MDGA2: variants seen among roughly 807,000 people sequenced by gnomAD.
MDGA2 encodes MAM domain-containing glycosylphosphatidylinositol anchor protein 2.
Under a neutral mutation model 117.8 loss-of-function variants are expected in MDGA2, and 40 were observed. The observed-to-expected ratio is 0.34, with a 90% confidence interval of 0.26 to 0.44. The LOEUF (loss-of-function observed/expected upper bound fraction) is 0.44, where lower values mean the gene tolerates loss of function less well. MDGA2 is among the 20% of genes least tolerant of loss of function. The pLI is 1.00. For missense variants in MDGA2, 1,123 were observed against 1,250.6 expected (o/e 0.90, Z 1.54); for synonymous variants, 452 against 439.0 (o/e 1.03, Z -0.37).
In MDGA2 at chr14:46,871,863, TCTGG is replaced by T. The variant is rs71988054; in HGVS notation, c.2752+1566_2752+1569del. On this transcript the variant is annotated intron_variant, in intron 14 of 16. Transcript: ENST00000399232. ...TAGTAGTTTAACTTCTCAAAAGCTT[TCTGG>T]CTGGGCACAATGACTCATGCCTGTA... The T allele has an allele frequency of 9.3e-3, 3,443 of 370,686 alleles. 90 individuals are homozygous for T. Among genetic ancestry groups the T allele is most frequent in the African/African-American group, 0.063 (3,043 of 48,652 alleles). 23.0% of individuals were successfully genotyped at this position (370,686 alleles called of 1,614,324 possible). A position where few individuals can be genotyped will look rare whatever the true frequency, so the allele number is the denominator to read the frequency against.
At chr14:46,847,183 G>C (rs907762210) in intron 15 of MDGA2, among the ~76,000 whole-genome samples, 2 of 151,972 alleles carry the variant, frequency 1.3e-5, no homozygotes, top group Admixed American at 1.3e-4. Flanking sequence ...TTTGTATTGA[G>C]ACCCTGTCCT....
chr14:47,471,347 T>C (rs950056898), intron 1 of MDGA2, among the ~76,000 whole-genome samples: 3 of 151,330 alleles, frequency 2.0e-5, no homozygotes, highest in Non-Finnish European at 2.9e-5. Flanking sequence ...AGTTGTAAAA[T>C]TGTCTTGACA....
At chr14:47,217,918 C>T in intron 3 of MDGA2, 103 bp downstream of exon 3, 1 of 920,702 alleles carries the variant, frequency 1.1e-6, no homozygotes, top group Non-Finnish European at 1.5e-6. Flanking sequence ...AGTTTTCATT[C>T]TCAGCTAAAC....
At chr14:46,857,060 C>T (rs556640156) in intron 14 of MDGA2, among the ~76,000 whole-genome samples, 2 of 152,246 alleles carry the variant, frequency 1.3e-5, no homozygotes, top group African/African-American at 4.8e-5. Context: ...TTTATCTGCC[C>T]CATTTCTTTA....
At chr14:47,073,462 T>C (rs1213683275) in intron 6 of MDGA2, among the ~76,000 whole-genome samples, 1 of 152,184 alleles carries the variant, frequency 6.6e-6, no homozygotes, top group Non-Finnish European at 1.5e-5. Context: ...AGTATGCTAG[T>C]TCCAACACAG....
intron 1 of MDGA2, among the ~76,000 whole-genome samples, chr14:47,315,626 T>C (rs1889784226): frequency 6.6e-6 from 1 of 152,100 alleles, no homozygotes; most frequent in Non-Finnish European, 1.5e-5. Flanking sequence ...TGAATTCTTT[T>C]CAATTCATTT....
At chr14:47,367,763 G>C (rs957160845) in intron 1 of MDGA2, among the ~76,000 whole-genome samples, 1 of 152,018 alleles carries the variant, frequency 6.6e-6, no homozygotes, top group Non-Finnish European at 1.5e-5. Flanking sequence ...CTCTGCTTTC[G>C]TTAATTTCCT....
chr14:47,645,744 A>G (rs1015823255), intron 1 of MDGA2, among the ~76,000 whole-genome samples: 3 of 152,220 alleles, frequency 2.0e-5, no homozygotes, highest in Admixed American at 1.3e-4. Flanking sequence ...TAACTATTTA[A>G]CAAAACAGAT....
intron 1 of MDGA2, among the ~76,000 whole-genome samples, chr14:47,400,330 A>G (rs2138458429): frequency 6.6e-6 from 1 of 152,174 alleles, no homozygotes. Flanking sequence ...TTTTATGACT[A>G]TTATTTTTTC....
intron 2 of MDGA2, among the ~76,000 whole-genome samples, chr14:47,234,587 A>G (rs962269702): frequency 2.0e-5 from 3 of 152,116 alleles, no homozygotes; most frequent in African/African-American, 7.2e-5. Flanking sequence ...TTAAAGATAC[A>G]ACACCAAGAG....
chr14:47,668,515 T>C (rs1295783746), intron 1 of MDGA2, among the ~76,000 whole-genome samples: 3 of 152,180 alleles, frequency 2.0e-5, no homozygotes, highest in African/African-American at 7.2e-5. Flanking sequence ...CACTTTATGA[T>C]TTTACAGGGC....
intron 1 of MDGA2, among the ~76,000 whole-genome samples, chr14:47,398,855 T>G (rs1892072683): frequency 6.6e-6 from 1 of 152,194 alleles, no homozygotes; most frequent in Admixed American, 6.5e-5. Flanking sequence ...AATTTAGTAT[T>G]TAACTATTTC....
chr14:47,163,544 T>C (rs1360616371), intron 3 of MDGA2, among the ~76,000 whole-genome samples: 2 of 152,094 alleles, frequency 1.3e-5, no homozygotes, highest in Non-Finnish European at 2.9e-5. Flanking sequence ...ATGCAAGATA[T>C]GACATGCTCC....
At chr14:46,858,395 CT>C (rs946197971) in intron 14 of MDGA2, among the ~76,000 whole-genome samples, 14 of 147,964 alleles carry the variant, frequency 9.5e-5, no homozygotes, top group Non-Finnish European at 1.8e-4. Context: ...ATTTATAATA[CT>C]TTTTTTCTTT....
chr14:47,104,954 T>C (rs1360005604), intron 5 of MDGA2, among the ~76,000 whole-genome samples: 2 of 152,124 alleles, frequency 1.3e-5, no homozygotes, highest in African/African-American at 4.8e-5. Context: ...TTTCATTTTC[T>C]GGTGGAGACA....
chr14:47,137,411 C>T (rs1027696557), intron 4 of MDGA2, among the ~76,000 whole-genome samples: 5 of 151,996 alleles, frequency 3.3e-5, no homozygotes, highest in African/African-American at 1.2e-4. Context: ...CGGGCAGACC[C>T]CTCATGAATA....
At chr14:47,378,683 A>G (rs1488019566) in intron 1 of MDGA2, among the ~76,000 whole-genome samples, 1 of 152,168 alleles carries the variant, frequency 6.6e-6, no homozygotes, top group Non-Finnish European at 1.5e-5. Context: ...ACTAAAAAAA[A>G]TTGAACAAAG....
At chr14:47,069,198 G>T (rs1322823010) in intron 6 of MDGA2, among the ~76,000 whole-genome samples, 4 of 152,088 alleles carry the variant, frequency 2.6e-5, no homozygotes, top group Non-Finnish European at 5.9e-5. Context: ...TGCTACTCTG[G>T]CAGTGAGGGC....
intron 7 of MDGA2, among the ~76,000 whole-genome samples, chr14:47,052,090 T>A (rs1889479250): frequency 1.3e-5 from 2 of 152,020 alleles, no homozygotes; most frequent in Non-Finnish European, 2.9e-5. Context: ...CTCTAATACA[T>A]CATTACTCAC....
Sources: gnomAD v4.1 joint callset for allele counts (sites outside exome capture counted in the v4.1 genomes callset) on GRCh38, gnomAD v4.1.1 for gene constraint, MANE v1.5 for transcripts, NCBI Gene and HGNC (gene_info 2026-07-23, HGNC 2026-07-21) for gene names.